The following MARCHF1 variants were observed in gnomAD, a reference collection of about 807,000 sequenced individuals.
The protein encoded by MARCHF1 is membrane associated ring-CH-type finger 1.
In MARCHF1, 40 loss-of-function variants were observed where a neutral mutation model predicts 54.2. The ratio of observed to expected loss-of-function variants is 0.74; its 90% CI spans 0.57 to 0.96. MARCHF1 has a LOEUF of 0.96. Among genes scored for constraint, MARCHF1 ranks in the 40% least tolerant of loss-of-function variants. The pLI is 0.00. For missense variants in MARCHF1, 586 were observed against 656.5 expected, an observed-to-expected ratio of 0.89 and a Z score of 1.17; for synonymous variants, 236 against 236.3, an observed-to-expected ratio of 1.00 and a Z score of 0.01.
chr4:164,017,722 C>T (rs76732962), intron 2 of MARCHF1, among the ~76,000 whole-genome samples: 2,129 of 151,306 alleles, frequency 0.014, 44 homozygotes, highest in African/African-American at 0.045. Flanking sequence ...GTGAATTCTT[C>T]CTAAATATAT....
intron 5 of MARCHF1, among the ~76,000 whole-genome samples, chr4:163,621,431 T>C (rs1741693154): frequency 6.6e-6 from 1 of 152,192 alleles, no homozygotes; most frequent in South Asian, 2.1e-4. Flanking sequence ...GTAACGCCCA[T>C]CCAGAGTTAG....
intron 5 of MARCHF1, among the ~76,000 whole-genome samples, chr4:163,648,954 A>C (rs1742864486): frequency 6.6e-6 from 1 of 151,794 alleles, no homozygotes; most frequent in African/African-American, 2.4e-5. Context: ...CAAGGAGTTC[A>C]CTGCAACCTA....
chr4:164,140,115 T>A (rs986198233), intron 1 of MARCHF1, among the ~76,000 whole-genome samples: 1 of 151,822 alleles, frequency 6.6e-6, no homozygotes, highest in Non-Finnish European at 1.5e-5. Context: ...TCTCTCTATA[T>A]ACGAGGTAAA....
chr4:164,037,193 C>A (rs1261568182), intron 2 of MARCHF1, among the ~76,000 whole-genome samples: 2 of 152,036 alleles, frequency 1.3e-5, no homozygotes, highest in African/African-American at 4.8e-5. Context: ...AGCAGAGATG[C>A]TCAGTAGGCT....
chr4:163,746,480 G>T (rs1260394148), intron 4 of MARCHF1, among the ~76,000 whole-genome samples: 1 of 151,150 alleles, frequency 6.6e-6, no homozygotes, highest in African/African-American at 2.4e-5. Flanking sequence ...TATGTGCAGG[G>T]TTTTTTTTTG....
chr4:164,069,215 A>C (rs557730091), intron 2 of MARCHF1, among the ~76,000 whole-genome samples: 2 of 152,316 alleles, frequency 1.3e-5, no homozygotes, highest in South Asian at 4.1e-4. Flanking sequence ...GCACCCTGTC[A>C]AAACGGACCA....
At chr4:164,220,039 A>G (rs1732046914) in intron 1 of MARCHF1, among the ~76,000 whole-genome samples, 2 of 151,796 alleles carry the variant, frequency 1.3e-5, no homozygotes, top group East Asian at 3.9e-4. Flanking sequence ...TAAACTAGCA[A>G]TCTTATTCTA....
intron 4 of MARCHF1, among the ~76,000 whole-genome samples, chr4:163,771,141 T>C (rs1245639821): frequency 1.3e-5 from 2 of 152,240 alleles, no homozygotes; most frequent in Non-Finnish European, 2.9e-5. Context: ...CCTAATTATG[T>C]ATCCTTGAAT....
intron 4 of MARCHF1, among the ~76,000 whole-genome samples, chr4:163,756,828 A>G (rs187590016): frequency 9.9e-5 from 15 of 152,238 alleles, no homozygotes; most frequent in South Asian, 4.2e-4. Context: ...ATTTGTTTAG[A>G]ATTCTGATAT....
At chr4:164,213,900 T>C (rs927150073) in intron 1 of MARCHF1, among the ~76,000 whole-genome samples, 7 of 152,082 alleles carry the variant, frequency 4.6e-5, no homozygotes, top group Admixed American at 1.3e-4. Flanking sequence ...AATTATATTA[T>C]ACATTTTAAA....
At chr4:163,847,269 CTACTT>C (rs972024354) in intron 4 of MARCHF1, among the ~76,000 whole-genome samples, 1 of 152,092 alleles carries the variant, frequency 6.6e-6, no homozygotes. Context: ...TACATCTACT[CTACTT>C]TGAAAACAAA....
rs771541247 is a variant in MARCHF1 at position 164,126,755 on chromosome 4, C to T, written c.-322-15093G>A. Among the ~76,000 whole-genome samples, 56 of 152,080 alleles carry T rather than the reference C, an allele frequency of 3.7e-4. 1 individual carries two copies. The highest frequency in any genetic ancestry group is 2.1e-3 in the Admixed American group (32 of 15,256). On this transcript the variant is annotated intron_variant, in intron 1 of 9. Transcript: ENST00000514618. Reference sequence around the variant, plus strand: ...ATGTGGATGGTAAATGCCATTCTAACGAGATCTCAGAAGGAAATGAGGACT... The same window carrying T: ...ATGTGGATGGTAAATGCCATTCTAATGAGATCTCAGAAGGAAATGAGGACT...
intron 4 of MARCHF1, among the ~76,000 whole-genome samples, chr4:163,701,607 T>G (rs117201129): frequency 6.6e-6 from 1 of 152,206 alleles, no homozygotes; most frequent in South Asian, 2.1e-4. Context: ...GAAAATTATA[T>G]AGCTACTTTT....
At chr4:164,211,284 A>G (rs940570412) in intron 1 of MARCHF1, among the ~76,000 whole-genome samples, 2 of 149,336 alleles carry the variant, frequency 1.3e-5, no homozygotes, top group African/African-American at 2.4e-5. Context: ...TTATGTATAT[A>G]TATATATATA....
At chr4:163,697,394 G>C (rs1245127003) in intron 5 of MARCHF1, among the ~76,000 whole-genome samples, 1 of 152,148 alleles carries the variant, frequency 6.6e-6, no homozygotes, top group African/African-American at 2.4e-5. Flanking sequence ...TCTCAGGATA[G>C]GAGTCTCATG....
At chr4:164,313,499 A>G (rs115515591) in intron 1 of MARCHF1, among the ~76,000 whole-genome samples, 184 of 152,284 alleles carry the variant, frequency 1.2e-3, no homozygotes, top group African/African-American at 4.3e-3. Context: ...GGGTAAAGAT[A>G]CACTGCTTAG....
chr4:163,976,990 T>C (rs1752661048), intron 3 of MARCHF1, among the ~76,000 whole-genome samples: 1 of 152,058 alleles, frequency 6.6e-6, no homozygotes, highest in Non-Finnish European at 1.5e-5. Context: ...AGTCATTAAG[T>C]TTTGGGGCAA....
chr4:163,784,027 T>C (rs531705717), intron 4 of MARCHF1, among the ~76,000 whole-genome samples: 22 of 152,320 alleles, frequency 1.4e-4, no homozygotes, highest in Non-Finnish European at 3.1e-4. Context: ...TAAACAGTAG[T>C]TCATGTTAAA....
chr4:164,377,509 A>G (rs1188121293), intron 1 of MARCHF1, among the ~76,000 whole-genome samples: 2 of 152,086 alleles, frequency 1.3e-5, no homozygotes, highest in East Asian at 3.9e-4. Flanking sequence ...TTTTCACTCC[A>G]TAAATGTAGC....
Sources: gnomAD v4.1 joint callset for allele counts (sites outside exome capture counted in the v4.1 genomes callset) on GRCh38, gnomAD v4.1.1 for gene constraint, MANE v1.5 for transcripts, NCBI Gene and HGNC (gene_info 2026-07-23, HGNC 2026-07-21) for gene names.